Variants in DRD3 observed in about 807,000 individuals in gnomAD.
The protein encoded by DRD3 is D(3) dopamine receptor.
A neutral mutation model predicts 36.3 loss-of-function variants in DRD3; 19 were observed. The observed-to-expected ratio is 0.52, with a 90% CI of 0.36 to 0.77. The LOEUF is 0.77. Ranked by LOEUF, DRD3 falls within the 30% of genes least tolerant of loss-of-function variation. The pLI, the probability that DRD3 is intolerant of heterozygous loss-of-function variation, is 0.00. For synonymous variants in DRD3, 195 were observed against 203.7 expected (o/e 0.96, Z 0.36); for missense variants, 465 against 505.3 (o/e 0.92, Z 0.77).
rs1033532111 is a variant in DRD3 at position 114,171,669 on chromosome 3, G to A, written c.270+54C>T. On this transcript the variant is annotated intron_variant, in intron 2 of 6. Coordinates refer to ENST00000383673, the MANE Select transcript of DRD3 (RefSeq NM_000796.6). ...TGAGCCCCAAAGGCCAGAACTCAGGGAAGACAAGTACTAGCACAGTCATAG... is the reference window on the plus strand; with the variant it reads ...TGAGCCCCAAAGGCCAGAACTCAGGAAAGACAAGTACTAGCACAGTCATAG... 3.3e-5 allele frequency: 49 copies of A among 1,466,918 alleles called. No homozygotes were observed. The African/African-American group carries it at 4.8e-4, about 14-fold the overall frequency. 90.9% of individuals were successfully genotyped at this position (1,466,918 alleles called of 1,614,324 possible). A position where few individuals can be genotyped will look rare whatever the true frequency, so the allele number is the denominator to read the frequency against.
At chr3:114,168,694 AG>A (rs1408556245) in intron 2 of DRD3, among the ~76,000 whole-genome samples, 3 of 152,222 alleles carry the variant, frequency 2.0e-5, no homozygotes, top group Non-Finnish European at 4.4e-5. Flanking sequence ...AGGATGGAAA[AG>A]TCTGGTCTGT....
intron 2 of DRD3, among the ~76,000 whole-genome samples, chr3:114,166,255 G>C (rs2077783507): frequency 6.6e-6 from 1 of 151,996 alleles, no homozygotes; most frequent in South Asian, 2.1e-4. Context: ...CAAAGTGTGG[G>C]GATTACAGGC....
chr3:114,167,721 G>A (rs7619130), intron 2 of DRD3, among the ~76,000 whole-genome samples: 4,883 of 152,214 alleles, frequency 0.032, 109 homozygotes, highest in African/African-American at 0.054. Flanking sequence ...TCAATAAATA[G>A]TCCCTAGATG....
chr3:114,147,861 C>T (rs1271842810), intron 3 of DRD3, among the ~76,000 whole-genome samples: 1 of 152,126 alleles, frequency 6.6e-6, no homozygotes, highest in East Asian at 1.9e-4. Context: ...GCTCAAGCAA[C>T]TCTCTGGCTT....
chr3:114,151,045 G>A (rs866711216), intron 3 of DRD3, among the ~76,000 whole-genome samples: 4 of 152,166 alleles, frequency 2.6e-5, no homozygotes, highest in African/African-American at 9.7e-5. Context: ...CACTTCTTGG[G>A]AGGCTACAAC....
chr3:114,141,067 TG>T (rs1210162813), intron 4 of DRD3, among the ~76,000 whole-genome samples: 1 of 152,266 alleles, frequency 6.6e-6, no homozygotes, highest in Non-Finnish European at 1.5e-5. Flanking sequence ...ATTTTGCCCT[TG>T]TTGCCCAGGC....
At chr3:114,174,209 A>C (rs1324939964) in intron 1 of DRD3, among the ~76,000 whole-genome samples, 1 of 152,218 alleles carries the variant, frequency 6.6e-6, no homozygotes, top group Non-Finnish European at 1.5e-5. Flanking sequence ...TTTTGGAAAA[A>C]TACAATGCTT....
chr3:114,193,119 A>AC (rs1236948024), intron 1 of DRD3, among the ~76,000 whole-genome samples: 2 of 152,128 alleles, frequency 1.3e-5, no homozygotes, highest in African/African-American at 4.8e-5. Flanking sequence ...CTCTACTAAA[A>AC]ATACAAAAAA....
At chr3:114,152,820 G>A (rs1056631166) in intron 3 of DRD3, among the ~76,000 whole-genome samples, 8 of 152,242 alleles carry the variant, frequency 5.3e-5, no homozygotes, top group Admixed American at 2.6e-4. Flanking sequence ...GACTGCAGGC[G>A]AGGGCCGCGC....
chr3:114,193,667 AT>A (rs1195091172), intron 1 of DRD3, among the ~76,000 whole-genome samples: 1 of 152,004 alleles, frequency 6.6e-6, no homozygotes, highest in Non-Finnish European at 1.5e-5. Context: ...TCCTAATCAC[AT>A]TTTTTTCCCC....
At position 114,165,348 on chromosome 3, in the gene DRD3, T is replaced by C. The variant is rs977355348; in HGVS notation, c.271-5481A>G. Among the ~76,000 whole-genome samples the C allele has an allele frequency of 1.6e-4, 25 of 152,172 alleles. 1 individual carries two copies. The highest frequency in any genetic ancestry group is 5.1e-4 in the African/African-American group (21 of 41,528). On this transcript the variant is annotated intron_variant, in intron 2 of 6. Transcript: ENST00000383673. ...TGGGAGGCTGAGGCAGGAGAATCGC[T>C]TGAACCCGGAAGGTGGAGGTTGCAG...
At chr3:114,143,881 C>A (rs997712987) in intron 4 of DRD3, among the ~76,000 whole-genome samples, 1 of 152,214 alleles carries the variant, frequency 6.6e-6, no homozygotes, top group Non-Finnish European at 1.5e-5. Flanking sequence ...TTTGCTTATT[C>A]ATTCTAGATT....
At chr3:114,142,053 A>C (rs1412221030) in intron 4 of DRD3, among the ~76,000 whole-genome samples, 2 of 123,470 alleles carry the variant, frequency 1.6e-5, no homozygotes, top group African/African-American at 7.2e-5. Context: ...CTCTCAAAAA[A>C]AAAAAAAAAA....
At chr3:114,174,738 C>T (rs1191412151) in intron 1 of DRD3, among the ~76,000 whole-genome samples, 4 of 151,468 alleles carry the variant, frequency 2.6e-5, no homozygotes, top group African/African-American at 9.8e-5. Context: ...CAACTTCCTC[C>T]CTGCTTAGAT....
At chr3:114,142,342 C>T (rs1244908725) in intron 4 of DRD3, among the ~76,000 whole-genome samples, 1 of 152,154 alleles carries the variant, frequency 6.6e-6, no homozygotes, top group African/African-American at 2.4e-5. Context: ...GTGGCACTGC[C>T]CATCTTGTTG....
At chr3:114,154,872 T>C (rs1179714123) in intron 3 of DRD3, among the ~76,000 whole-genome samples, 1 of 152,102 alleles carries the variant, frequency 6.6e-6, no homozygotes, top group African/African-American at 2.4e-5. Context: ...CAGGATGTGA[T>C]GGGAGGAGGG....
chr3:114,159,106 A>G (rs1332471194), intron 3 of DRD3, among the ~76,000 whole-genome samples: 1 of 152,158 alleles, frequency 6.6e-6, no homozygotes, highest in East Asian at 1.9e-4. Context: ...TCAGGGATAG[A>G]AAGCAATGTT....
chr3:114,197,025 G>A (rs1459759202), intron 1 of DRD3, among the ~76,000 whole-genome samples: 2 of 144,334 alleles, frequency 1.4e-5, no homozygotes, highest in Middle Eastern at 3.5e-3. Flanking sequence ...GGGTACATGT[G>A]CACATTGTGC....
chr3:114,143,479 A>G (rs1036933946), intron 4 of DRD3, among the ~76,000 whole-genome samples: 6 of 152,218 alleles, frequency 3.9e-5, no homozygotes, highest in Admixed American at 3.9e-4. Flanking sequence ...CTGTCTTGGG[A>G]AACTGAGACC....
Sources: allele counts gnomAD v4.1 joint callset (sites outside exome capture counted in the v4.1 genomes callset), GRCh38; gene constraint gnomAD v4.1.1; transcripts MANE v1.5; gene names NCBI Gene and HGNC (gene_info 2026-07-23, HGNC 2026-07-21).